ROR1: variants seen among roughly 807,000 people sequenced by gnomAD.
ROR1 encodes ROR family WNT receptor 1.
A neutral mutation model predicts 78.8 loss-of-function variants in ROR1; 19 were observed. The observed-to-expected ratio is 0.24, with a 90% confidence interval of 0.17 to 0.35. The LOEUF is 0.35. Among genes scored for constraint, ROR1 ranks in the 10% least tolerant of loss-of-function variants. ROR1 has a pLI of 1.00. For synonymous variants in ROR1, 386 were observed against 433.6 expected, an observed-to-expected ratio of 0.89 and a Z score of 1.36; for missense variants, 917 against 1,177.8, an observed-to-expected ratio of 0.78 and a Z score of 3.24.
intron 1 of ROR1, among the ~76,000 whole-genome samples, chr1:63,991,507 A>C (rs1185162214): frequency 6.6e-6 from 1 of 152,172 alleles, no homozygotes; most frequent in Non-Finnish European, 1.5e-5. Flanking sequence ...GAATGATGCC[A>C]CACTGCCTGG....
At chr1:63,850,389 T>C (rs1225906127) in intron 1 of ROR1, among the ~76,000 whole-genome samples, 1 of 152,252 alleles carries the variant, frequency 6.6e-6, no homozygotes, top group Admixed American at 6.5e-5. Flanking sequence ...GCCAAATACC[T>C]AGGAATAGAA....
intron 2 of ROR1, among the ~76,000 whole-genome samples, chr1:64,026,025 A>C (rs142740590): frequency 2.6e-5 from 4 of 152,312 alleles, no homozygotes; most frequent in Admixed American, 6.5e-5. Flanking sequence ...ATAATTTTTT[A>C]AGTGGCGTTT....
chr1:63,977,004 G>T (rs567243735), intron 1 of ROR1, among the ~76,000 whole-genome samples: 1 of 152,276 alleles, frequency 6.6e-6, no homozygotes, highest in Non-Finnish European at 1.5e-5. Flanking sequence ...TAGAATCATG[G>T]CAGAAGGGAA....
chr1:63,926,011 T>G (rs1645700074), intron 1 of ROR1, among the ~76,000 whole-genome samples: 1 of 151,288 alleles, frequency 6.6e-6, no homozygotes, highest in Non-Finnish European at 1.5e-5. Flanking sequence ...AGAAGCTCTT[T>G]AGTTTAATTA....
At chr1:64,141,030 A>G (rs1649294675) in intron 6 of ROR1, among the ~76,000 whole-genome samples, 1 of 152,220 alleles carries the variant, frequency 6.6e-6, no homozygotes. Flanking sequence ...ACCAGGGGCC[A>G]GGCTAGGGGT....
intron 8 of ROR1, among the ~76,000 whole-genome samples, chr1:64,167,638 A>C (rs1222514685): frequency 6.6e-6 from 1 of 152,240 alleles, no homozygotes; most frequent in African/African-American, 2.4e-5. Context: ...AAAATGCACA[A>C]GAAAGGAAAA....
At chr1:63,950,312 GAT>G (rs370475729) in intron 1 of ROR1, among the ~76,000 whole-genome samples, 2 of 152,222 alleles carry the variant, frequency 1.3e-5, no homozygotes, top group African/African-American at 4.8e-5. Context: ...TTGATCATAT[GAT>G]ATATTAGGGG....
chr1:63,996,659 T>C (rs1646339116), intron 1 of ROR1, among the ~76,000 whole-genome samples: 1 of 152,172 alleles, frequency 6.6e-6, no homozygotes, highest in Non-Finnish European at 1.5e-5. Context: ...AAGGTATAAA[T>C]CACACTTTTA....
chr1:63,915,901 A>C (rs1050083033), intron 1 of ROR1, among the ~76,000 whole-genome samples: 22 of 152,128 alleles, frequency 1.4e-4, no homozygotes, highest in African/African-American at 5.3e-4. Context: ...CCGGAGACCC[A>C]GTATCTCCTG....
chr1:64,079,912 T>TG (rs1647087166), intron 4 of ROR1, among the ~76,000 whole-genome samples: 1 of 152,140 alleles, frequency 6.6e-6, no homozygotes. Flanking sequence ...AAAATACACA[T>TG]GGTATTATTG....
At chr1:64,121,617 G>A (rs898949598) in intron 4 of ROR1, among the ~76,000 whole-genome samples, 2 of 146,556 alleles carry the variant, frequency 1.4e-5, no homozygotes, top group African/African-American at 4.9e-5. Context: ...TGTTTGAATT[G>A]CCGGTGCATA....
chr1:63,935,868 A>C (rs542863454), intron 1 of ROR1, among the ~76,000 whole-genome samples: 1 of 152,362 alleles, frequency 6.6e-6, no homozygotes, highest in South Asian at 2.1e-4. Context: ...AGGTAGCATT[A>C]CAGGAACATC....
chr1:63,959,857 G>A (rs1646013910), intron 1 of ROR1, among the ~76,000 whole-genome samples: 1 of 152,100 alleles, frequency 6.6e-6, no homozygotes, highest in African/African-American at 2.4e-5. Flanking sequence ...CCAGACACTT[G>A]CACCAGCAGC....
chr1:64,000,013 G>A (rs954456303), intron 1 of ROR1, among the ~76,000 whole-genome samples: 4 of 152,040 alleles, frequency 2.6e-5, no homozygotes, highest in African/African-American at 9.7e-5. Context: ...ACAATTAGTA[G>A]GTAATAGATT....
At chr1:64,117,340 A>G (rs911073190) in intron 4 of ROR1, among the ~76,000 whole-genome samples, 5 of 152,192 alleles carry the variant, frequency 3.3e-5, no homozygotes, top group African/African-American at 1.2e-4. Context: ...GAGATAATAT[A>G]TGGAAAATTC....
intron 4 of ROR1, among the ~76,000 whole-genome samples, chr1:64,086,938 T>G (rs1313765514): frequency 6.6e-6 from 1 of 152,168 alleles, no homozygotes; most frequent in Non-Finnish European, 1.5e-5. Flanking sequence ...GCCCGAGTTC[T>G]TAGAGTCAGT....
At chr1:64,055,953 C>CT (rs953190918) in intron 4 of ROR1, among the ~76,000 whole-genome samples, 1 of 152,164 alleles carries the variant, frequency 6.6e-6, no homozygotes, top group African/African-American at 2.4e-5. Flanking sequence ...TTGTGTTTGC[C>CT]TTCTTTCACT....
At chr1:63,918,654 T>C (rs1218783155) in intron 1 of ROR1, among the ~76,000 whole-genome samples, 1 of 152,182 alleles carries the variant, frequency 6.6e-6, no homozygotes, top group East Asian at 1.9e-4. Context: ...TTCCTTTTGT[T>C]TAAAAATTTT....
At chr1:64,115,199 T>C (rs554506331) in intron 4 of ROR1, among the ~76,000 whole-genome samples, 49 of 152,098 alleles carry the variant, frequency 3.2e-4, no homozygotes, top group African/African-American at 1.1e-3. Context: ...CACCATTTAC[T>C]AACTAGGTGA....
Sources: allele counts gnomAD v4.1 joint callset (sites outside exome capture counted in the v4.1 genomes callset), GRCh38; gene constraint gnomAD v4.1.1; transcripts MANE v1.5; gene names NCBI Gene and HGNC (gene_info 2026-07-23, HGNC 2026-07-21).